The following FSHB variants were observed in gnomAD, a reference collection of about 807,000 sequenced individuals.
FSHB encodes the protein follicle stimulating hormone subunit beta.
A neutral mutation model predicts 12.1 loss-of-function variants in FSHB; 8 were observed. That is an observed-to-expected ratio of 0.66 (90% CI 0.39 to 1.19). The LOEUF (loss-of-function observed/expected upper bound fraction) is 1.19. Among genes scored for constraint, FSHB ranks in the 50% most tolerant of loss-of-function variants. The pLI is 0.01. For synonymous variants in FSHB, 55 were observed against 54.6 expected (o/e 1.01, Z -0.04); for missense variants, 153 against 157.2 (o/e 0.97, Z 0.14).
In FSHB at chr11:30,233,942, A is replaced by G. The variant is rs1852046193; in HGVS notation, c.*142A>G. 6.9e-6 allele frequency: 5 copies of G among 727,130 alleles called. No individual in the cohort carries two copies. Among genetic ancestry groups the G allele is most frequent in the Non-Finnish European group, 1.2e-5 (5 of 416,944 alleles). 45.0% of individuals were successfully genotyped at this position (727,130 alleles called of 1,614,324 possible). On this transcript the variant is annotated 3_prime_UTR_variant, in exon 3 of 3. Coordinates refer to ENST00000533718, the MANE Select transcript of FSHB (RefSeq NM_001382289.1). ...CTACTGATCCCTGGTCTACTGGCAG[A>G]GGGAACTCTGGGAATTGAGAGTGCT...
intron 2 of FSHB, among the ~76,000 whole-genome samples, chr11:30,233,231 T>C (rs1478529983): frequency 6.6e-6 from 1 of 152,202 alleles, no homozygotes; most frequent in Non-Finnish European, 1.5e-5. Context: ...TGTTTATGGT[T>C]TGTTATTAAT....
Position 30,233,670 on chromosome 11 carries a change from A to G in FSHB, c.260A>G (p.His87Arg), listed in dbSNP as rs1852039016. Residue 87 changes from histidine to arginine, a missense_variant, in exon 3 of 3, where the codon CAT becomes CGT. Coordinates refer to ENST00000533718, the MANE Select transcript of FSHB (RefSeq NM_001382289.1). ...GTGAGAGTGCCCGGCTGTGCTCACC[A>G]TGCAGATTCCTTGTATACATACCCA... The part of the protein sequence containing the change: ...ETVRVPGCAH[H>R]ADSLYTYPVA... 6.2e-7 allele frequency: 1 copy of G among 1,614,076 alleles called. No individual in the cohort carries two copies. Among genetic ancestry groups the G allele is most frequent in the South Asian group, 1.1e-5 (1 of 91,088 alleles).
intron 1 of FSHB, 120 bp from the exon 2 acceptor site, chr11:30,231,746 A>T (rs1423290325): frequency 4.2e-6 from 3 of 715,188 alleles, no homozygotes. Context: ...AGATGTAAGT[A>T]AAAAGGCATA....
At chr11:30,233,286 T>C (rs1852032988) in intron 2 of FSHB, among the ~76,000 whole-genome samples, 1 of 152,218 alleles carries the variant, frequency 6.6e-6, no homozygotes. Flanking sequence ...AATCCTGTCA[T>C]GTTTTTCATC....
chr11:30,231,358 G>T (rs892911398), intron 1 of FSHB, among the ~76,000 whole-genome samples: 12 of 152,142 alleles, frequency 7.9e-5, no homozygotes, highest in Non-Finnish European at 1.8e-4. Context: ...GCCAGGAATG[G>T]TGGCTCATGC....
rs1852063799 is a variant in FSHB at position 30,235,039 on chromosome 11, A to G, written c.*1239A>G. The G allele has an allele frequency of 6.6e-6, 1 of 152,184 alleles. No homozygotes were observed. The highest frequency in any genetic ancestry group is 2.4e-5 in the African/African-American group (1 of 41,450). 9.4% of individuals were successfully genotyped at this position (152,184 alleles called of 1,614,324 possible). On this transcript the variant is annotated 3_prime_UTR_variant, in exon 3 of 3. Coordinates refer to ENST00000533718, the MANE Select transcript of FSHB (RefSeq NM_001382289.1). Reference sequence around the variant, plus strand: ...TTTTAATAAAGATGCTAGCCACCAGAGTCACAGGCTTGGATTGTTTTATGT... The same window carrying G: ...TTTTAATAAAGATGCTAGCCACCAGGGTCACAGGCTTGGATTGTTTTATGT...
Position 30,233,844 on chromosome 11 carries a change from C to G in FSHB, c.*44C>G, listed in dbSNP as rs760315773. ...GGCCACATACCCTTGTCCTGAAGGA[C>G]CAAGATATTCAAAAAGTCTGTGTGT... On this transcript the variant is annotated 3_prime_UTR_variant, in exon 3 of 3. Transcript: ENST00000533718. 2 of 1,520,692 alleles carry G rather than the reference C, an allele frequency of 1.3e-6. No individual in the cohort carries two copies. Among genetic ancestry groups the G allele is most frequent in the African/African-American group, 1.4e-5 (1 of 72,992 alleles). 94.2% of individuals were successfully genotyped at this position (1,520,692 alleles called of 1,614,324 possible).
In FSHB at chr11:30,232,931, C is replaced by T. The variant is rs541023223; in HGVS notation, c.160-639C>T. Among the ~76,000 whole-genome samples, 18 of 152,236 alleles carry T rather than the reference C, an allele frequency of 1.2e-4. No homozygotes were observed. The South Asian group carries it at 1.7e-3, about 14-fold the overall frequency. ...ATAAACAGAAGCCCCAATTTCTCTA[C>T]GCAGTATAAATAATTTTTCCACTGG... On this transcript the variant is annotated intron_variant, in intron 2 of 2. Transcript: ENST00000533718.
At position 30,233,854 on chromosome 11, in the gene FSHB, C is replaced by G; in HGVS notation, c.*54C>G. On this transcript the variant is annotated 3_prime_UTR_variant, in exon 3 of 3. Transcript: ENST00000533718. Reference sequence around the variant, plus strand: ...CCTTGTCCTGAAGGACCAAGATATTCAAAAAGTCTGTGTGTGTGCAATGTG... The same window carrying G: ...CCTTGTCCTGAAGGACCAAGATATTGAAAAAGTCTGTGTGTGTGCAATGTG... The G allele has an allele frequency of 6.8e-7, 1 of 1,478,294 alleles. No homozygotes were observed. The highest frequency in any genetic ancestry group is 9.4e-7 in the Non-Finnish European group (1 of 1,064,058). 91.6% of individuals were successfully genotyped at this position (1,478,294 alleles called of 1,614,324 possible).
In FSHB at chr11:30,231,642, T is replaced by G. The variant is rs550312; in HGVS notation, c.-37-224T>G. Reference sequence around the variant, plus strand: ...TCTAATCTTTAAATATTCCTCTGCTTAAATCATTATATTGGAGTTTTGATC... The same window carrying G: ...TCTAATCTTTAAATATTCCTCTGCTGAAATCATTATATTGGAGTTTTGATC... On this transcript the variant is annotated intron_variant, in intron 1 of 2. Coordinates refer to ENST00000533718, the MANE Select transcript of FSHB (RefSeq NM_001382289.1). 0.48 allele frequency among the ~76,000 whole-genome samples: 72,693 copies of G among 152,024 alleles called. 17,529 individuals are homozygous for G. The highest frequency in any genetic ancestry group is 0.64 in the East Asian group (3,309 of 5,172).
In FSHB at chr11:30,235,024, G is replaced by T. The variant is rs1852063562; in HGVS notation, c.*1224G>T. Reference sequence around the variant, plus strand: ...ATTTAAATCTTATTTTTTTAATAAAGATGCTAGCCACCAGAGTCACAGGCT... The same window carrying T: ...ATTTAAATCTTATTTTTTTAATAAATATGCTAGCCACCAGAGTCACAGGCT... On this transcript the variant is annotated 3_prime_UTR_variant, in exon 3 of 3. Coordinates refer to ENST00000533718, the MANE Select transcript of FSHB (RefSeq NM_001382289.1). 1 of 151,948 alleles carries T rather than the reference G, an allele frequency of 6.6e-6. No homozygotes were observed. Among genetic ancestry groups the T allele is most frequent in the East Asian group, 1.9e-4 (1 of 5,190 alleles). The allele number at this position is 151,948 out of a possible 1,614,324, so 9.4% of individuals were successfully genotyped here.
chr11:30,234,813 G>A lies in FSHB; in HGVS notation c.*1013G>A, dbSNP rs1469047940. The A allele has an allele frequency of 6.6e-6, 1 of 152,086 alleles. No individual in the cohort carries two copies. The highest frequency in any genetic ancestry group is 1.9e-4 in the East Asian group (1 of 5,194). The allele number at this position is 152,086 out of a possible 1,614,324, so 9.4% of individuals were successfully genotyped here. A position where few individuals can be genotyped will look rare whatever the true frequency, so the allele number is the denominator to read the frequency against. On this transcript the variant is annotated 3_prime_UTR_variant, in exon 3 of 3. Coordinates refer to ENST00000533718, the MANE Select transcript of FSHB (RefSeq NM_001382289.1). ...AAAGAATTAGCCATGGGGGACGAGG[G>A]GAAACTGCTGTTTTCTAGGATCCTG...
chr11:30,233,596 GC>G lies in FSHB; in HGVS notation c.189del (p.Ile65SerfsTer15). 1 of 1,613,900 alleles carries G rather than the reference GC, an allele frequency of 6.2e-7. No individual in the cohort carries two copies. The highest frequency in any genetic ancestry group is 8.5e-7 in the Non-Finnish European group (1 of 1,179,888). On this transcript the variant is annotated frameshift_variant, in exon 3 of 3. Coordinates refer to ENST00000533718, the MANE Select transcript of FSHB (RefSeq NM_001382289.1). LOFTEE classifies it high-confidence loss of function. ...RDLVYKDPAR[P>X]KIQKTCTFKE... ...ATCTGGTGTATAAGGACCCAGCCAG[GC>G]CCAAAATCCAGAAAACATGTACCTT...
intron 2 of FSHB, 39 bp downstream of exon 2, chr11:30,232,100 G>T: frequency 6.2e-7 from 1 of 1,602,812 alleles, no homozygotes; most frequent in Non-Finnish European, 8.5e-7. Context: ...GGTGTTGAAG[G>T]TCTGTATTAG....
chr11:30,231,267 T>C (rs1444115306), intron 1 of FSHB, among the ~76,000 whole-genome samples: 1 of 152,206 alleles, frequency 6.6e-6, no homozygotes, highest in Non-Finnish European at 1.5e-5. Context: ...AATGGTCTTA[T>C]TTTAAACAAA....
intron 2 of FSHB, among the ~76,000 whole-genome samples, chr11:30,232,353 TAGAG>T (rs1852020030): frequency 6.6e-6 from 1 of 152,312 alleles, no homozygotes; most frequent in South Asian, 2.1e-4. Flanking sequence ...TTTTTACACA[TAGAG>T]AGATAAACAT....
chr11:30,233,642 A>C lies in FSHB; in HGVS notation c.232A>C (p.Thr78Pro). 1 of 1,614,054 alleles carries C rather than the reference A, an allele frequency of 6.2e-7. No homozygotes were observed. The highest frequency in any genetic ancestry group is 1.3e-5 in the African/African-American group (1 of 75,046). ...TACCTTCAAGGAACTGGTATACGAA[A>C]CAGTGAGAGTGCCCGGCTGTGCTCA... ...TCTFKELVYE[T>P]VRVPGCAHHA... Residue 78 changes from threonine (T) to proline (P), a missense_variant, in exon 3 of 3, where the codon ACA becomes CCA. By Grantham distance (38) the Thr-to-Pro change is conservative. Coordinates refer to ENST00000533718, the MANE Select transcript of FSHB (RefSeq NM_001382289.1).
intron 2 of FSHB, among the ~76,000 whole-genome samples, chr11:30,233,148 T>C (rs1230388079): frequency 6.6e-6 from 1 of 152,220 alleles, no homozygotes; most frequent in Non-Finnish European, 1.5e-5. Context: ...TTTAAAATTA[T>C]ATATTTTTGA....
rs1270808687 is a variant in FSHB at position 30,235,163 on chromosome 11, T to C, written c.*1363T>C. Reference sequence around the variant, plus strand: ...TTTCTATAAATATTACCTTTCCTTATCTTTGGAGATATTAAAAATAATTTT... The same window carrying C: ...TTTCTATAAATATTACCTTTCCTTACCTTTGGAGATATTAAAAATAATTTT... On this transcript the variant is annotated 3_prime_UTR_variant, in exon 3 of 3. Coordinates refer to ENST00000533718, the MANE Select transcript of FSHB (RefSeq NM_001382289.1). 1 of 152,148 alleles carries C rather than the reference T, an allele frequency of 6.6e-6. No individual in the cohort carries two copies. The highest frequency in any genetic ancestry group is 2.4e-5 in the African/African-American group (1 of 41,438). The allele number at this position is 152,148 out of a possible 1,614,324, so 9.4% of individuals were successfully genotyped here. A position where few individuals can be genotyped will look rare whatever the true frequency, so the allele number is the denominator to read the frequency against.
Sources: gnomAD v4.1 joint callset for allele counts (sites outside exome capture counted in the v4.1 genomes callset) on GRCh38, gnomAD v4.1.1 for gene constraint, MANE v1.5 for transcripts, NCBI Gene and HGNC (gene_info 2026-07-23, HGNC 2026-07-21) for gene names.